The following NKD2 variants were observed in gnomAD, a reference collection of about 807,000 sequenced individuals.
NKD2 encodes NKD inhibitor of Wnt signaling pathway 2.
In NKD2, 43 loss-of-function variants were observed where a neutral mutation model predicts 34.8. That is an observed-to-expected ratio of 1.24 (90% CI 0.97 to 1.60). The LOEUF (loss-of-function observed/expected upper bound fraction) is 1.60, where lower values mean the gene tolerates loss of function less well. Among genes scored for constraint, NKD2 ranks in the 40% most tolerant of loss-of-function variants. NKD2 has a pLI of 0.00. For missense variants in NKD2, 675 were observed against 627.1 expected (o/e 1.08, Z -0.82); for synonymous variants, 278 against 265.1 (o/e 1.05, Z -0.47).
chr5:1,023,375 C>T (rs375164907), intron 3 of NKD2, among the ~76,000 whole-genome samples: 29 of 14,180 alleles, frequency 2.0e-3, no homozygotes, highest in Admixed American at 3.5e-3. Context: ...TGTGGGCGTC[C>T]CAGCCCATTG....
rs1170662110 is a variant in NKD2, at chr5:1,009,679, C to T, written c.141+119C>T. On this transcript the variant is annotated intron_variant, in intron 3 of 9. Transcript: ENST00000296849. This position sits in a 1 kb window ranked among gnomAD's most constrained non-coding sequence, Gnocchi z 6.9. ...GGCGAGACGTGGGCCGCCATGGCCG[C>T]ACGAGTGACCGGGGGCCAGGAGAGC... The T allele has an allele frequency of 2.5e-6, 2 of 801,484 alleles. No homozygotes were observed. The highest frequency in any genetic ancestry group is 3.8e-5 in the African/African-American group (2 of 52,732). 49.6% of individuals were successfully genotyped at this position (801,484 alleles called of 1,614,324 possible). A position where few individuals can be genotyped will look rare whatever the true frequency, so the allele number is the denominator to read the frequency against.
rs543260648 is a variant in NKD2 at position 1,019,231 on chromosome 5, T to G, written c.141+9671T>G. 6.6e-5 allele frequency among the ~76,000 whole-genome samples: 10 copies of G among 152,244 alleles called. No individual in the cohort carries two copies. In the South Asian group the frequency reaches 2.1e-3, roughly 32 times the overall value. ...CCCAAGACGTGCTGTAAGGGTGTCT[T>G]TGTGTGCGGCTCAGAGCTCATCCCG... is the stretch of plus-strand genomic sequence containing the variant. On this transcript the variant is annotated intron_variant, in intron 3 of 9. Transcript: ENST00000296849.
rs758771312 is a variant in NKD2, at chr5:1,038,087, TGCCGGCCGTCCTGCC to T, written c.1074_1088del (p.Ala359_Pro363del). The T allele has an allele frequency of 3.7e-6, 6 of 1,606,104 alleles. No individual in the cohort carries two copies. In the South Asian group the frequency reaches 6.6e-5, roughly 18 times the overall value. ...TCCGGGAAAGCCTTCAGCTACTACC[TGCCGGCCGTCCTGCC>T]GCCCCAGGCCCCTCAGGACGGCCAC... On this transcript the variant is annotated inframe_deletion, in exon 10 of 10. Coordinates refer to ENST00000296849, the MANE Select transcript of NKD2 (RefSeq NM_033120.4). This position sits in a 1 kb window ranked among gnomAD's most constrained non-coding sequence, Gnocchi z 4.5.
At chr5:1,034,668 G>A in intron 6 of NKD2, 88 bp from the exon 7 acceptor site, 3 of 1,352,542 alleles carry the variant, frequency 2.2e-6, no homozygotes, top group Non-Finnish European at 3.1e-6. Context: ...CATAGGAAGG[G>A]GCGGGGGCTG....
At chr5:1,026,562 C>T (rs1291419375) in intron 3 of NKD2, among the ~76,000 whole-genome samples, 5 of 67,474 alleles carry the variant, frequency 7.4e-5, no homozygotes, top group African/African-American at 1.9e-4. Flanking sequence ...CTCTTCCCAC[C>T]CTCTGTGGGT....
chr5:1,029,813 C>G (rs1756568696), intron 3 of NKD2, among the ~76,000 whole-genome samples: 1 of 152,236 alleles, frequency 6.6e-6, no homozygotes, highest in African/African-American at 2.4e-5. Flanking sequence ...TGCCCCTCAT[C>G]TGGGCAGCGA....
chr5:1,019,102 C>T (rs1010233991), intron 3 of NKD2, among the ~76,000 whole-genome samples: 2 of 152,144 alleles, frequency 1.3e-5, no homozygotes, highest in Non-Finnish European at 2.9e-5. Context: ...GCCTCTAGCT[C>T]TAGTGACCGG....
Position 1,038,043 on chromosome 5 carries a change from G to T in NKD2, c.1026G>T (p.Gly342=), listed in dbSNP as rs1466383322. Residue 342 remains glycine (G), a synonymous_variant, in exon 10 of 10, where the codon GGG becomes GGT. Coordinates refer to ENST00000296849, the MANE Select transcript of NKD2 (RefSeq NM_033120.4). The surrounding 1 kb of genome is among the most constrained non-coding windows in gnomAD (Gnocchi z 4.5). ...CCAAGGGCTCCGGGAAGCCGCCTGG[G>T]GTGCCAGCCAGCAGCAAGTCCGGGA... ...KSPKGSGKPP[G]VPASSKSGKA... 6.8e-6 allele frequency: 11 copies of T among 1,609,290 alleles called. No homozygotes were observed. The highest frequency in any genetic ancestry group is 4.0e-5 in the African/African-American group (3 of 74,876).
At chr5:1,035,223 C>CAAGT (rs1168072960) in intron 7 of NKD2, among the ~76,000 whole-genome samples, 166 bp from the exon 8 acceptor site, 1 of 150,576 alleles carries the variant, frequency 6.6e-6, no homozygotes, top group Non-Finnish European at 1.5e-5. Context: ...AATGAGTGAA[C>CAAGT]GAGTGAGTTA....
chr5:1,037,676 C>G, intron 9 of NKD2, 129 bp from the exon 10 acceptor site: 1 of 1,537,336 alleles, frequency 6.5e-7, no homozygotes, highest in East Asian at 2.4e-5. Context: ...TGACTGCAGA[C>G]TTGGCTAACA....
At chr5:1,014,451 C>G (rs960763912) in intron 3 of NKD2, among the ~76,000 whole-genome samples, 16 of 152,182 alleles carry the variant, frequency 1.1e-4, no homozygotes, top group Admixed American at 2.6e-4. Context: ...GTCTCGAGTA[C>G]CCATCCACGA....
chr5:1,008,841 G>C lies in NKD2; in HGVS notation c.-217G>C, dbSNP rs1270603517. ...CGCCGTCGCTGCCGCCGCTGTCCCC[G>C]CGCCCTGCGCCCGGTGGCCCCCCAC... On this transcript the variant is annotated 5_prime_UTR_variant, in exon 1 of 10. Transcript: ENST00000296849. The C allele has an allele frequency of 6.4e-6, 2 of 310,426 alleles. No individual in the cohort carries two copies. Among genetic ancestry groups the C allele is most frequent in the Admixed American group, 5.1e-5 (1 of 19,690 alleles). The allele number at this position is 310,426 out of a possible 1,614,324, so 19.2% of individuals were successfully genotyped here. A position where few individuals can be genotyped will look rare whatever the true frequency, so the allele number is the denominator to read the frequency against.
intron 4 of NKD2, 67 bp downstream of exon 4, chr5:1,032,279 C>T (rs1756675938): frequency 7.8e-6 from 10 of 1,280,664 alleles, no homozygotes; most frequent in South Asian, 2.4e-5. Flanking sequence ...AAGGCAACGC[C>T]GAAAACCACC....
At chr5:1,030,783 A>T (rs1350993586) in intron 3 of NKD2, among the ~76,000 whole-genome samples, 1 of 152,172 alleles carries the variant, frequency 6.6e-6, no homozygotes, top group Non-Finnish European at 1.5e-5. Flanking sequence ...TTTGTTTCTT[A>T]TTAAAATGAG....
intron 3 of NKD2, among the ~76,000 whole-genome samples, chr5:1,030,084 G>A (rs1756587194): frequency 1.3e-5 from 2 of 149,820 alleles, no homozygotes; most frequent in South Asian, 4.2e-4. Flanking sequence ...CCACATCCCA[G>A]AGGAGAAGGT....
chr5:1,014,266 A>G (rs755529049), intron 3 of NKD2, among the ~76,000 whole-genome samples: 2 of 152,132 alleles, frequency 1.3e-5, no homozygotes, highest in Non-Finnish European at 2.9e-5. Context: ...CCTTTTCTTA[A>G]AAAACCCAGG....
chr5:1,027,878 C>T (rs982796864), intron 3 of NKD2, among the ~76,000 whole-genome samples: 4 of 152,234 alleles, frequency 2.6e-5, no homozygotes, highest in African/African-American at 9.6e-5. Context: ...CCTGCACCGG[C>T]ACTTCCAGGT....
chr5:1,018,462 G>A (rs1756044793), intron 3 of NKD2, among the ~76,000 whole-genome samples: 1 of 152,260 alleles, frequency 6.6e-6, no homozygotes, highest in Non-Finnish European at 1.5e-5. Context: ...TGGGCCTGGG[G>A]AAGGTGCTTG....
At chr5:1,028,402 G>C (rs1756510331) in intron 3 of NKD2, among the ~76,000 whole-genome samples, 2 of 152,192 alleles carry the variant, frequency 1.3e-5, no homozygotes, top group South Asian at 2.1e-4. Context: ...GTTGGGGTCA[G>C]ACCCTCCTCC....
Sources: allele counts gnomAD v4.1 joint callset (sites outside exome capture counted in the v4.1 genomes callset), GRCh38; gene constraint gnomAD v4.1.1; non-coding constraint Gnocchi (gnomAD v3.1); transcripts MANE v1.5; gene names NCBI Gene and HGNC (gene_info 2026-07-23, HGNC 2026-07-21).